The following GTF2A1L variants were observed in gnomAD, a reference collection of about 807,000 sequenced individuals.
The protein encoded by GTF2A1L is general transcription factor IIA subunit 1 like.
Under a neutral mutation model 49.7 loss-of-function variants are expected in GTF2A1L, and 48 were observed. That is an observed-to-expected ratio of 0.97 (90% CI 0.77 to 1.23). The LOEUF is 1.23. Ranked by LOEUF, GTF2A1L falls within the 50% of genes most tolerant of loss-of-function variation. The pLI, the probability that GTF2A1L is intolerant of heterozygous loss-of-function variation, is 0.00. For synonymous variants in GTF2A1L, 246 were observed against 193.5 expected (o/e 1.27, Z -2.25); for missense variants, 736 against 564.8 (o/e 1.30, Z -3.07).
intron 6 of GTF2A1L, among the ~76,000 whole-genome samples, chr2:48,649,286 A>G (rs1303372466): frequency 1.3e-5 from 2 of 152,200 alleles, no homozygotes; most frequent in Non-Finnish European, 2.9e-5. Context: ...AGGCTGAATC[A>G]TGTGAGTTTG....
chr2:48,618,028 T>A, intron 1 of GTF2A1L, 133 bp downstream of exon 1: 1 of 933,760 alleles, frequency 1.1e-6, no homozygotes, highest in Non-Finnish European at 1.6e-6. Context: ...CCTTAGGGGC[T>A]GGGGCTCTTC....
At chr2:48,660,892 C>G (rs1251450041) in intron 6 of GTF2A1L, among the ~76,000 whole-genome samples, 1 of 152,106 alleles carries the variant, frequency 6.6e-6, no homozygotes, top group African/African-American at 2.4e-5. Context: ...CCACCTGCCT[C>G]GGCCTCTCAG....
At chr2:48,652,944 T>C (rs1475797932) in intron 6 of GTF2A1L, among the ~76,000 whole-genome samples, 1 of 151,596 alleles carries the variant, frequency 6.6e-6, no homozygotes, top group Non-Finnish European at 1.5e-5. Context: ...ATAACTCAAA[T>C]TTAGGCCGGG....
At chr2:48,639,858 C>A (rs1219786892) in intron 3 of GTF2A1L, among the ~76,000 whole-genome samples, 1 of 152,090 alleles carries the variant, frequency 6.6e-6, no homozygotes, top group Non-Finnish European at 1.5e-5. Flanking sequence ...AAGAGAAGAA[C>A]AAACAGTCCC....
intron 3 of GTF2A1L, among the ~76,000 whole-genome samples, chr2:48,640,802 A>G (rs1275667004): frequency 2.0e-5 from 3 of 152,196 alleles, no homozygotes; most frequent in Non-Finnish European, 2.9e-5. Context: ...TGTTATTAAA[A>G]CCATCTTGAA....
intron 6 of GTF2A1L, among the ~76,000 whole-genome samples, chr2:48,662,796 G>A (rs1277190761): frequency 6.6e-6 from 1 of 151,874 alleles, no homozygotes; most frequent in East Asian, 1.9e-4. Context: ...TGCTTTAAAG[G>A]TATATATTTT....
At chr2:48,660,213 A>G (rs910403385) in intron 6 of GTF2A1L, among the ~76,000 whole-genome samples, 5 of 152,132 alleles carry the variant, frequency 3.3e-5, no homozygotes, top group African/African-American at 1.2e-4. Context: ...GGATTTTTGC[A>G]TGAATATTCA....
chr2:48,617,929 C>A, intron 1 of GTF2A1L, 34 bp downstream of exon 1: 1 of 1,548,506 alleles, frequency 6.5e-7, no homozygotes, highest in Non-Finnish European at 8.7e-7. Flanking sequence ...GTAGAGGGAG[C>A]GCCCTGGGAC....
At chr2:48,629,411 G>A (rs1023382675) in intron 3 of GTF2A1L, among the ~76,000 whole-genome samples, 1 of 144,386 alleles carries the variant, frequency 6.9e-6, no homozygotes. Context: ...TGTGTGTCTT[G>A]TTCTGTTGGC....
intron 8 of GTF2A1L, among the ~76,000 whole-genome samples, chr2:48,674,309 A>G (rs774786530): frequency 3.9e-5 from 6 of 152,154 alleles, no homozygotes; most frequent in Non-Finnish European, 8.8e-5. Flanking sequence ...TGAGTGTGAA[A>G]TGGTATATCA....
chr2:48,670,772 A>G (rs1679124525), intron 7 of GTF2A1L, among the ~76,000 whole-genome samples: 1 of 152,182 alleles, frequency 6.6e-6, no homozygotes, highest in Non-Finnish European at 1.5e-5. Context: ...GGAGAGTTTT[A>G]GTAACTTGCC....
intron 8 of GTF2A1L, 28 bp downstream of exon 8, chr2:48,671,708 G>A (rs1326407110): frequency 6.3e-6 from 10 of 1,586,186 alleles, no homozygotes; most frequent in Non-Finnish European, 8.6e-6. Context: ...TGGACTTTGG[G>A]TTTATTAACT....
chr2:48,655,670 G>A (rs1202918293), intron 6 of GTF2A1L, among the ~76,000 whole-genome samples: 2 of 151,992 alleles, frequency 1.3e-5, no homozygotes, highest in Admixed American at 1.3e-4. Flanking sequence ...TTTTTCTCCT[G>A]TGCTAAAGTA....
intron 1 of GTF2A1L, among the ~76,000 whole-genome samples, chr2:48,618,945 G>C (rs1212911143): frequency 6.6e-6 from 1 of 152,158 alleles, no homozygotes; most frequent in African/African-American, 2.4e-5. Flanking sequence ...AGACCTAAGA[G>C]TTTTTTCCTT....
At chr2:48,661,426 G>A (rs1224050918) in intron 6 of GTF2A1L, among the ~76,000 whole-genome samples, 1 of 151,280 alleles carries the variant, frequency 6.6e-6, no homozygotes, top group Non-Finnish European at 1.5e-5. Flanking sequence ...GCTAATTTTT[G>A]TACTTTTAGT....
chr2:48,655,490 G>T (rs1294313815), intron 6 of GTF2A1L, among the ~76,000 whole-genome samples: 1 of 151,910 alleles, frequency 6.6e-6, no homozygotes, highest in East Asian at 1.9e-4. Flanking sequence ...ACCATGCCCA[G>T]CCTAAAATAC....
At chr2:48,647,951 T>C (rs1677619512) in intron 6 of GTF2A1L, among the ~76,000 whole-genome samples, 1 of 152,154 alleles carries the variant, frequency 6.6e-6, no homozygotes, top group African/African-American at 2.4e-5. Context: ...CTCCAGCTAG[T>C]GGTTTAGCCA....
chr2:48,651,294 TG>T (rs1293105945), intron 6 of GTF2A1L, among the ~76,000 whole-genome samples: 1 of 152,198 alleles, frequency 6.6e-6, no homozygotes, highest in Non-Finnish European at 1.5e-5. Context: ...CACGTTTGGC[TG>T]GAATTCATAG....
intron 8 of GTF2A1L, among the ~76,000 whole-genome samples, chr2:48,672,089 T>C (rs1679200454): frequency 6.6e-6 from 1 of 152,238 alleles, no homozygotes; most frequent in Non-Finnish European, 1.5e-5. Context: ...TAGAAGTGGC[T>C]AGGAAATGTA....
Sources: allele counts gnomAD v4.1 joint callset (sites outside exome capture counted in the v4.1 genomes callset), GRCh38; gene constraint gnomAD v4.1.1; transcripts MANE v1.5; gene names NCBI Gene and HGNC (gene_info 2026-07-23, HGNC 2026-07-21).